DPH7: variants seen among roughly 807,000 people sequenced by gnomAD.
DPH7 encodes diphthine methyltransferase.
A neutral mutation model predicts 41.7 loss-of-function variants in DPH7; 44 were observed. The observed-to-expected ratio is 1.05, with a 90% CI of 0.83 to 1.36. The LOEUF is 1.36. Among genes scored for constraint, DPH7 ranks in the 40% most tolerant of loss-of-function variants. The pLI, the probability that DPH7 is intolerant of heterozygous loss-of-function variation, is 0.00. For missense variants in DPH7, 629 were observed against 577.5 expected (o/e 1.09, Z -0.91); for synonymous variants, 275 against 238.0 (o/e 1.16, Z -1.43).
chr9:137,555,742 C>T, intron 8 of DPH7, 94 bp from the exon 9 acceptor site: 2 of 1,382,866 alleles, frequency 1.4e-6, no homozygotes, highest in Admixed American at 5.3e-5. Flanking sequence ...CAAGAACAGC[C>T]CCTCACAGGT....
chr9:137,577,380 T>C, intron 2 of DPH7, 90 bp downstream of exon 2: 2 of 1,316,570 alleles, frequency 1.5e-6, no homozygotes, highest in Admixed American at 3.8e-5. Flanking sequence ...TGAGATGCAA[T>C]GCCTGTCTTG....
chr9:137,573,520 A>G (rs1232318165), intron 5 of DPH7, among the ~76,000 whole-genome samples: 6 of 148,286 alleles, frequency 4.0e-5, no homozygotes, highest in Admixed American at 1.4e-4. Context: ...CTCTAAAAAA[A>G]AAACTACAAA....
intron 5 of DPH7, among the ~76,000 whole-genome samples, chr9:137,573,666 G>C (rs2133165146): frequency 9.6e-6 from 1 of 103,958 alleles, no homozygotes; most frequent in South Asian, 3.5e-4. Flanking sequence ...CTGGGCAACA[G>C]AGTGAGACTC....
At chr9:137,576,575 AAACT>A (rs1259464056) in intron 2 of DPH7, among the ~76,000 whole-genome samples, 1 of 152,166 alleles carries the variant, frequency 6.6e-6, no homozygotes, top group African/African-American at 2.4e-5. Context: ...CTGTTTCTAC[AAACT>A]AACAAACAAA....
chr9:137,558,049 T>G (rs1323213852), intron 8 of DPH7, among the ~76,000 whole-genome samples: 1 of 151,678 alleles, frequency 6.6e-6, no homozygotes, highest in African/African-American at 2.4e-5. Flanking sequence ...AGCAGGAGAG[T>G]TGCTTGAACC....
intron 8 of DPH7, among the ~76,000 whole-genome samples, chr9:137,560,099 C>T (rs911324845): frequency 5.3e-5 from 8 of 152,166 alleles, no homozygotes; most frequent in African/African-American, 1.7e-4. Context: ...GCCCAACAGA[C>T]AATGCTGGAG....
At chr9:137,573,088 A>G (rs1013292493) in intron 5 of DPH7, among the ~76,000 whole-genome samples, 8 of 152,110 alleles carry the variant, frequency 5.3e-5, no homozygotes, top group African/African-American at 1.9e-4. Flanking sequence ...TGGGCGGGGC[A>G]AGGTGGCTCA....
chr9:137,555,708 C>T (rs1837391713), intron 8 of DPH7, 60 bp from the exon 9 acceptor site: 1 of 1,505,510 alleles, frequency 6.6e-7, no homozygotes, highest in African/African-American at 1.4e-5. Flanking sequence ...TCTCCCCAAC[C>T]TGTCACACCT....
chr9:137,564,883 G>A lies in DPH7; in HGVS notation c.776+10C>T. On this transcript the variant is annotated intron_variant, in intron 7 of 8. Transcript: ENST00000277540. ...GACGAGAAGGGCCCGAGAGCCTCCT[G>A]GGGACTCACCTTCCCGTGGCCAGGA... 8.2e-6 allele frequency: 13 copies of A among 1,587,850 alleles called. No homozygotes were observed. The highest frequency in any genetic ancestry group is 1.0e-5 in the Non-Finnish European group (12 of 1,167,308).
At chr9:137,562,893 G>A (rs1316305929) in intron 8 of DPH7, among the ~76,000 whole-genome samples, 2 of 152,028 alleles carry the variant, frequency 1.3e-5, no homozygotes, top group African/African-American at 4.8e-5. Flanking sequence ...CTTGAAGCCA[G>A]GAAGCAGAGG....
intron 1 of DPH7, 32 bp downstream of exon 1, chr9:137,578,593 G>T: frequency 1.7e-6 from 1 of 579,062 alleles, no homozygotes; most frequent in Non-Finnish European, 2.6e-6. Flanking sequence ...GGCCGGCCCC[G>T]CCCTCCCCTC....
rs779932358 is a variant in DPH7 at position 137,555,365 on chromosome 9, C to G, written c.1233G>C (p.Gln411His). The change falls in exon 9 of 9, where the codon CAG becomes CAC. Residue 411 changes from glutamine to histidine, a missense_variant. Physicochemically the swap from Gln to His is conservative, Grantham distance 24. Coordinates refer to ENST00000277540, the MANE Select transcript of DPH7 (RefSeq NM_138778.5). The part of the protein sequence containing the change: ...EGMRKNGTWL[Q>H]ATAATTRDCG... ...AGTCACGTGTGGTGGCTGCTGTAGCCTGCAGCCAGGTGCCATTCTTCCTCA... is the reference window on the plus strand; with the variant it reads ...AGTCACGTGTGGTGGCTGCTGTAGCGTGCAGCCAGGTGCCATTCTTCCTCA... 1.9e-6 allele frequency: 3 copies of G among 1,614,218 alleles called. No individual in the cohort carries two copies. In the East Asian group the frequency reaches 6.7e-5, roughly 36 times the overall value.
intron 5 of DPH7, among the ~76,000 whole-genome samples, chr9:137,568,639 C>T (rs1839855959): frequency 6.6e-6 from 1 of 152,242 alleles, no homozygotes; most frequent in Admixed American, 6.5e-5. Flanking sequence ...TAGGTTGCCA[C>T]CTCAACAGGA....
chr9:137,575,338 C>T, intron 3 of DPH7: 25 of 987,548 alleles, frequency 2.5e-5, no homozygotes, highest in Non-Finnish European at 3.0e-5. Context: ...ATTTCATTTC[C>T]TAAACAGCCT....
intron 4 of DPH7, 145 bp downstream of exon 4, chr9:137,574,607 T>G: frequency 1.1e-6 from 1 of 915,080 alleles, no homozygotes; most frequent in East Asian, 2.4e-5. Context: ...GGGGACCTTT[T>G]TTTCATAATA....
intron 5 of DPH7, among the ~76,000 whole-genome samples, chr9:137,573,846 T>C (rs910004838): frequency 1.3e-5 from 2 of 152,028 alleles, no homozygotes; most frequent in Non-Finnish European, 2.9e-5. Context: ...GGTGGGCGCA[T>C]CATGAGGTCA....
At chr9:137,578,340 AT>A (rs1026380300) in intron 1 of DPH7, among the ~76,000 whole-genome samples, 1 of 151,612 alleles carries the variant, frequency 6.6e-6, no homozygotes. Context: ...ATTGTTTTGT[AT>A]TTTTTTAGTA....
At chr9:137,578,468 G>A (rs1322303097) in intron 1 of DPH7, 157 bp downstream of exon 1, 8 of 960,196 alleles carry the variant, frequency 8.3e-6, no homozygotes, top group African/African-American at 3.5e-5. Context: ...GCCCGGCCGA[G>A]AACAATTTTT....
At chr9:137,569,154 G>A (rs1227663438) in intron 5 of DPH7, among the ~76,000 whole-genome samples, 2 of 152,012 alleles carry the variant, frequency 1.3e-5, no homozygotes, top group Admixed American at 6.6e-5. Context: ...CACAGGGAGA[G>A]TGAAGAAGAT....
Sources: gnomAD v4.1 joint callset for allele counts (sites outside exome capture counted in the v4.1 genomes callset) on GRCh38, gnomAD v4.1.1 for gene constraint, MANE v1.5 for transcripts, NCBI Gene and HGNC (gene_info 2026-07-23, HGNC 2026-07-21) for gene names.